Variants in KIF6 observed in about 807,000 individuals in gnomAD.
KIF6 encodes kinesin family member 6.
A neutral mutation model predicts 112.7 loss-of-function variants in KIF6; 106 were observed. The observed-to-expected ratio is 0.94, with a 90% CI of 0.80 to 1.11. The LOEUF (loss-of-function observed/expected upper bound fraction) is 1.11. KIF6 is among the 50% of genes least tolerant of loss of function. The probability of loss-of-function intolerance (pLI) is 0.00; values close to 1 mark genes in which losing one functional copy is unlikely to be tolerated. For synonymous variants in KIF6, 339 were observed against 339.9 expected (o/e 1.00, Z 0.03); for missense variants, 929 against 964.0 (o/e 0.96, Z 0.48).
chr6:39,414,201 A>C (rs1769727251), intron 15 of KIF6, among the ~76,000 whole-genome samples: 1 of 152,130 alleles, frequency 6.6e-6, no homozygotes, highest in African/African-American at 2.4e-5. Flanking sequence ...GCCTGCCCTT[A>C]ATCAGGCTTT....
chr6:39,499,218 G>C (rs905013973), intron 13 of KIF6, among the ~76,000 whole-genome samples: 2 of 152,178 alleles, frequency 1.3e-5, no homozygotes, highest in South Asian at 2.1e-4. Flanking sequence ...GCATGTATAA[G>C]GGTAGTAGAG....
chr6:39,565,106 G>A (rs992917982), intron 10 of KIF6, among the ~76,000 whole-genome samples: 1 of 139,598 alleles, frequency 7.2e-6, no homozygotes, highest in Non-Finnish European at 1.5e-5. Flanking sequence ...AGTTCTGAGA[G>A]AGCGTAGGCT....
At chr6:39,588,861 C>A (rs1781778595) in intron 7 of KIF6, among the ~76,000 whole-genome samples, 1 of 152,182 alleles carries the variant, frequency 6.6e-6, no homozygotes, top group African/African-American at 2.4e-5. Context: ...CAGTTCAAAC[C>A]TCTGGGATCC....
intron 10 of KIF6, among the ~76,000 whole-genome samples, chr6:39,558,412 G>A (rs999651494): frequency 6.6e-6 from 1 of 152,070 alleles, no homozygotes; most frequent in Non-Finnish European, 1.5e-5. Flanking sequence ...TTAAGTGGTA[G>A]AACCCATATA....
chr6:39,508,875 T>C (rs967253285), intron 13 of KIF6, among the ~76,000 whole-genome samples: 1 of 152,198 alleles, frequency 6.6e-6, no homozygotes, highest in Admixed American at 6.5e-5. Context: ...GAGCAGTGGC[T>C]TTCCCAGCAC....
At chr6:39,518,724 G>A (rs1474632609) in intron 13 of KIF6, among the ~76,000 whole-genome samples, 1 of 152,188 alleles carries the variant, frequency 6.6e-6, no homozygotes, top group African/African-American at 2.4e-5. Flanking sequence ...ACTGTTCCAT[G>A]GCACTTCTTG....
At chr6:39,632,148 A>G (rs1784385050) in intron 5 of KIF6, among the ~76,000 whole-genome samples, 1 of 151,336 alleles carries the variant, frequency 6.6e-6, no homozygotes, top group East Asian at 1.9e-4. Context: ...AAGTTCTGCA[A>G]GAGCAGGCAA....
At chr6:39,364,922 T>C (rs1290551140) in intron 16 of KIF6, among the ~76,000 whole-genome samples, 1 of 152,236 alleles carries the variant, frequency 6.6e-6, no homozygotes, top group East Asian at 1.9e-4. Context: ...AGCTCTGTCG[T>C]GGTTGGCCCC....
At chr6:39,616,154 C>G (rs1364132080) in intron 5 of KIF6, among the ~76,000 whole-genome samples, 1 of 152,208 alleles carries the variant, frequency 6.6e-6, no homozygotes, top group Non-Finnish European at 1.5e-5. Context: ...AGAATAATTA[C>G]ATGCATAAGG....
chr6:39,470,577 C>CG (rs1172858492), intron 13 of KIF6, among the ~76,000 whole-genome samples: 2 of 152,108 alleles, frequency 1.3e-5, no homozygotes, highest in Admixed American at 1.3e-4. Context: ...TCATACTCCC[C>CG]GGGTGATGTG....
chr6:39,645,822 G>C (rs1785140416), intron 3 of KIF6, among the ~76,000 whole-genome samples: 1 of 152,112 alleles, frequency 6.6e-6, no homozygotes, highest in Admixed American at 6.6e-5. Context: ...CCTTTGTAGG[G>C]ACACGGATGA....
intron 16 of KIF6, among the ~76,000 whole-genome samples, chr6:39,365,724 C>T (rs1765507934): frequency 6.6e-6 from 1 of 152,204 alleles, no homozygotes; most frequent in Admixed American, 6.5e-5. Flanking sequence ...ACTTTTGTCC[C>T]CACCCCAAGG....
Position 39,570,186 on chromosome 6 carries a change from G to A in KIF6, c.1181+7870C>T, listed in dbSNP as rs181586409. On this transcript the variant is annotated intron_variant, in intron 10 of 22. Coordinates refer to ENST00000287152, the MANE Select transcript of KIF6 (RefSeq NM_145027.6). ...CTTTTTAAAAGAAATGCCCCAAACC[G>A]ATTGGACTTGGAGTATGAGAAAAAG... is the stretch of plus-strand genomic sequence containing the variant. Among the ~76,000 whole-genome samples the A allele has an allele frequency of 3.6e-3, 554 of 152,248 alleles. 3 individuals carry two copies. The highest frequency in any genetic ancestry group is 3.4e-3 in the Non-Finnish European group (234 of 68,026).
At chr6:39,513,989 G>T (rs1221608986) in intron 13 of KIF6, among the ~76,000 whole-genome samples, 2 of 150,150 alleles carry the variant, frequency 1.3e-5, no homozygotes, top group Non-Finnish European at 3.0e-5. Flanking sequence ...GAGATAAAGT[G>T]TTATAGAGAT....
At chr6:39,525,987 T>C (rs368307432) in intron 13 of KIF6, among the ~76,000 whole-genome samples, 11 of 152,304 alleles carry the variant, frequency 7.2e-5, no homozygotes, top group African/African-American at 2.6e-4. Context: ...TCATTTGTTT[T>C]GTTGAAAATA....
At chr6:39,420,052 G>A in intron 14 of KIF6, 49 bp from the exon 15 acceptor site, 1 of 1,321,464 alleles carries the variant, frequency 7.6e-7, no homozygotes, top group South Asian at 1.2e-5. Flanking sequence ...CATCCTACAA[G>A]ATGTTTTAAA....
chr6:39,375,379 C>G (rs893263983), intron 16 of KIF6, among the ~76,000 whole-genome samples: 1 of 152,100 alleles, frequency 6.6e-6, no homozygotes, highest in Non-Finnish European at 1.5e-5. Context: ...ATGGGTGAGG[C>G]AATGAATATG....
At chr6:39,643,959 C>A (rs1288308811) in intron 3 of KIF6, among the ~76,000 whole-genome samples, 1 of 151,982 alleles carries the variant, frequency 6.6e-6, no homozygotes, top group Non-Finnish European at 1.5e-5. Flanking sequence ...CCATAACATA[C>A]AAAGAAATCT....
chr6:39,723,928 A>G (rs992461502), intron 1 of KIF6, among the ~76,000 whole-genome samples: 1 of 152,202 alleles, frequency 6.6e-6, no homozygotes, highest in Non-Finnish European at 1.5e-5. Flanking sequence ...ATTGAAAAAA[A>G]AAATTACAGC....
Sources: gnomAD v4.1 joint callset for allele counts (sites outside exome capture counted in the v4.1 genomes callset) on GRCh38, gnomAD v4.1.1 for gene constraint, MANE v1.5 for transcripts, NCBI Gene and HGNC (gene_info 2026-07-23, HGNC 2026-07-21) for gene names.